The following PHC3 variants were observed in gnomAD, a reference collection of about 807,000 sequenced individuals.
PHC3 encodes polyhomeotic homolog 3.
PHC3 carries 13 observed loss-of-function variants against 107.4 expected under a neutral mutation model. That is an observed-to-expected ratio of 0.12 (90% confidence interval 0.08 to 0.19). The LOEUF is 0.19. PHC3 is among the 10% of genes least tolerant of loss of function. PHC3 has a pLI of 1.00. For synonymous variants in PHC3, 456 were observed against 427.4 expected, an observed-to-expected ratio of 1.07 and a Z score of -0.83; for missense variants, 992 against 1,210.9, an observed-to-expected ratio of 0.82 and a Z score of 2.68.
At chr3:170,146,974 C>G (rs1412382188) in intron 5 of PHC3, among the ~76,000 whole-genome samples, 1 of 148,538 alleles carries the variant, frequency 6.7e-6, no homozygotes, top group Admixed American at 6.8e-5. Flanking sequence ...CCTCTGCCTT[C>G]CGAGTTCAAG....
chr3:170,103,509 A>G (rs1467518881), intron 12 of PHC3, among the ~76,000 whole-genome samples: 8 of 151,906 alleles, frequency 5.3e-5, no homozygotes, highest in African/African-American at 1.2e-4. Context: ...TTAGAAGTAT[A>G]TAACTCTTTA....
At chr3:170,127,167 A>C (rs1056089723) in intron 8 of PHC3, among the ~76,000 whole-genome samples, 1 of 152,136 alleles carries the variant, frequency 6.6e-6, no homozygotes, top group Non-Finnish European at 1.5e-5. Flanking sequence ...CTGAATGATA[A>C]ACTTTTTAAA....
intron 1 of PHC3, among the ~76,000 whole-genome samples, chr3:170,179,170 C>T (rs1730997179): frequency 6.6e-6 from 1 of 152,120 alleles, no homozygotes; most frequent in South Asian, 2.1e-4. Context: ...ATTCAGAATA[C>T]GTAACTCAGA....
At chr3:170,111,141 A>G (rs1402047455) in intron 11 of PHC3, among the ~76,000 whole-genome samples, 1 of 152,208 alleles carries the variant, frequency 6.6e-6, no homozygotes, top group Non-Finnish European at 1.5e-5. Context: ...CAGGTATTAT[A>G]TAACACCAAA....
intron 6 of PHC3, among the ~76,000 whole-genome samples, chr3:170,137,272 A>G (rs1723244728): frequency 6.6e-6 from 1 of 152,180 alleles, no homozygotes; most frequent in Non-Finnish European, 1.5e-5. Flanking sequence ...TCATGAACTG[A>G]AAAGACTCTG....
intron 1 of PHC3, among the ~76,000 whole-genome samples, chr3:170,180,312 G>C (rs1334941131): frequency 1.3e-5 from 2 of 152,092 alleles, no homozygotes; most frequent in African/African-American, 4.8e-5. Flanking sequence ...AGCCAGGCCT[G>C]GTGGCACAGG....
intron 5 of PHC3, 92 bp downstream of exon 5, chr3:170,148,994 T>C (rs1725459984): frequency 1.5e-6 from 2 of 1,296,876 alleles, no homozygotes; most frequent in African/African-American, 1.5e-5. Context: ...ATTTCTTAAA[T>C]ATTAAAAATA....
Position 170,097,804 on chromosome 3 carries a change from TTG to T in PHC3, c.2834-422_2834-421del, listed in dbSNP as rs1318469873. On this transcript the variant is annotated intron_variant, in intron 14 of 14. Coordinates refer to ENST00000495893, the MANE Select transcript of PHC3 (RefSeq NM_024947.4). This position sits in a 1 kb window ranked among gnomAD's most constrained non-coding sequence, Gnocchi z 4.1. Reference sequence around the variant, plus strand: ...GGTAAAGAGGAAACAAAAATATGTTTTGTCATTTAAATAACAATCTAGAAATA... The same window carrying T: ...GGTAAAGAGGAAACAAAAATATGTTTTCATTTAAATAACAATCTAGAAATA... Among the ~76,000 whole-genome samples the T allele has an allele frequency of 6.6e-6, 1 of 152,210 alleles. No homozygotes were observed. Among genetic ancestry groups the T allele is most frequent in the African/African-American group, 2.4e-5 (1 of 41,450 alleles).
intron 14 of PHC3, among the ~76,000 whole-genome samples, chr3:170,098,034 T>C (rs1430422573): frequency 2.0e-5 from 3 of 152,186 alleles, no homozygotes; most frequent in African/African-American, 7.2e-5. Context: ...TCTCCACTTT[T>C]GTTAAGAAAA....
chr3:170,174,736 T>TC (rs1730144674), intron 2 of PHC3, among the ~76,000 whole-genome samples: 2 of 152,188 alleles, frequency 1.3e-5, no homozygotes, highest in South Asian at 4.1e-4. Context: ...ATCTCACCTC[T>TC]CCAACTATAG....
chr3:170,146,290 A>C (rs1724925202), intron 5 of PHC3, among the ~76,000 whole-genome samples: 1 of 151,396 alleles, frequency 6.6e-6, no homozygotes, highest in Admixed American at 6.6e-5. Flanking sequence ...CAGGAGAATC[A>C]CTTGAACCCA....
At chr3:170,115,749 T>C (rs1718810796) in intron 10 of PHC3, among the ~76,000 whole-genome samples, 1 of 152,078 alleles carries the variant, frequency 6.6e-6, no homozygotes. Flanking sequence ...ACCTGACAAA[T>C]AAGCAAAATA....
intron 4 of PHC3, chr3:170,150,630 G>A (rs573381826): frequency 9.4e-5 from 26 of 277,086 alleles, no homozygotes; most frequent in East Asian, 2.9e-4. Flanking sequence ...GAAGAATGGC[G>A]TGAACCTGGG....
At chr3:170,166,135 C>T (rs1728712386) in intron 4 of PHC3, among the ~76,000 whole-genome samples, 1 of 150,004 alleles carries the variant, frequency 6.7e-6, no homozygotes, top group Non-Finnish European at 1.5e-5. Flanking sequence ...ACCTCCGCCT[C>T]CTGGGTTCAA....
At chr3:170,159,786 G>A (rs537917915) in intron 4 of PHC3, among the ~76,000 whole-genome samples, 8 of 152,184 alleles carry the variant, frequency 5.3e-5, no homozygotes, top group African/African-American at 1.7e-4. Flanking sequence ...AGAAAAAACA[G>A]GCAGTTACCC....
intron 7 of PHC3, among the ~76,000 whole-genome samples, chr3:170,131,707 G>A (rs952219115): frequency 2.0e-5 from 3 of 151,988 alleles, no homozygotes; most frequent in Admixed American, 2.0e-4. Context: ...GGTAACACAC[G>A]CCTGTAATAC....
chr3:170,116,996 C>T (rs986837628), intron 10 of PHC3: 2 of 510,576 alleles, frequency 3.9e-6, no homozygotes, highest in African/African-American at 3.8e-5. Flanking sequence ...AAAAATATGT[C>T]CTGAAATTTT....
intron 8 of PHC3, chr3:170,125,967 T>A (rs1014954092): frequency 1.0e-6 from 1 of 979,498 alleles, no homozygotes; most frequent in Non-Finnish European, 1.2e-6. Context: ...CTTACCTCAA[T>A]AAAGTCCAAT....
intron 4 of PHC3, among the ~76,000 whole-genome samples, chr3:170,158,211 T>TA (rs1727203805): frequency 6.6e-6 from 1 of 152,144 alleles, no homozygotes; most frequent in African/African-American, 2.4e-5. Flanking sequence ...TATTTTTATA[T>TA]TAAAAAGAAA....
Sources: gnomAD v4.1 joint callset for allele counts (sites outside exome capture counted in the v4.1 genomes callset) on GRCh38, gnomAD v4.1.1 for gene constraint, Gnocchi (gnomAD v3.1) non-coding constraint, MANE v1.5 for transcripts, NCBI Gene and HGNC (gene_info 2026-07-23, HGNC 2026-07-21) for gene names.